TADA2A: variants seen among roughly 807,000 people sequenced by gnomAD.
TADA2A encodes transcriptional adaptor 2A, also known as transcriptional adapter 2-alpha.
A neutral mutation model predicts 67.4 loss-of-function variants in TADA2A; 38 were observed. The ratio of observed to expected loss-of-function variants is 0.56; its 90% CI spans 0.44 to 0.74. The LOEUF (loss-of-function observed/expected upper bound fraction) is 0.74. Ranked by LOEUF, TADA2A falls within the 30% of genes least tolerant of loss-of-function variation. The pLI is 0.00. For missense variants in TADA2A, 454 were observed against 547.0 expected (o/e 0.83, Z 1.70); for synonymous variants, 192 against 181.6 (o/e 1.06, Z -0.46).
At chr17:37,469,010 C>T (rs1287149025) in intron 12 of TADA2A, among the ~76,000 whole-genome samples, 1 of 151,988 alleles carries the variant, frequency 6.6e-6, no homozygotes, top group Non-Finnish European at 1.5e-5. Flanking sequence ...AAGCGAGTCT[C>T]CTGCCTCAGC....
At chr17:37,474,890 A>G (rs1418481035) in intron 15 of TADA2A, among the ~76,000 whole-genome samples, 2 of 152,188 alleles carry the variant, frequency 1.3e-5, no homozygotes, top group Admixed American at 6.5e-5. Flanking sequence ...AATAGCAACT[A>G]TCATCTATTG....
At chr17:37,432,996 C>T (rs556440657) in intron 4 of TADA2A, among the ~76,000 whole-genome samples, 2 of 132,768 alleles carry the variant, frequency 1.5e-5, no homozygotes, top group African/African-American at 5.5e-5. Context: ...AAGATTCACA[C>T]ATTTCAATTT....
intron 2 of TADA2A, among the ~76,000 whole-genome samples, chr17:37,422,483 T>TGA (rs2052270708): frequency 0.095 from 8,257 of 86,694 alleles, 273 homozygotes; most frequent in Middle Eastern, 0.13. Context: ...GCCCAGCTGA[T>TGA]TATTATTATT....
At chr17:37,423,424 TG>T in intron 2 of TADA2A, 84 bp from the exon 3 acceptor site, 3 of 1,018,332 alleles carry the variant, frequency 2.9e-6, no homozygotes, top group Non-Finnish European at 4.4e-6. Context: ...ACTACTTGTG[TG>T]GTCATTTGGG....
Position 37,462,104 on chromosome 17 carries a change from A to G in TADA2A, c.695A>G (p.Asn232Ser). ...ATTATAAGAGACCATGGATTAATCAACCTTAGAAAGTTTCAATGTAAGTAT... is the reference window on the plus strand; with the variant it reads ...ATTATAAGAGACCATGGATTAATCAGCCTTAGAAAGTTTCAATGTAAGTAT... The part of the protein sequence containing the change: ...KKIIRDHGLI[N>S]LRKFQLMERR... The change falls in exon 10 of 16, where the codon AAC (asparagine) becomes AGC (serine). Residue 232 changes from asparagine (N) to serine (S), a missense_variant. Physicochemically the swap from Asn to Ser is conservative, Grantham distance 46 (BLOSUM62 1). Around this residue, in one of 2 missense-constraint regions of TADA2A, gnomAD observed 403 missense variants for 455.5 expected, o/e 0.88. Coordinates refer to ENST00000615182, the MANE Select transcript of TADA2A (RefSeq NM_001166105.3). 2 of 1,571,926 alleles carry G rather than the reference A, an allele frequency of 1.3e-6. No individual in the cohort carries two copies. The highest frequency in any genetic ancestry group is 1.7e-6 in the Non-Finnish European group (2 of 1,151,066).
intron 4 of TADA2A, among the ~76,000 whole-genome samples, chr17:37,429,578 A>T (rs959389418): frequency 9.9e-5 from 15 of 152,152 alleles, no homozygotes; most frequent in Admixed American, 2.0e-4. Context: ...CACCATGCCC[A>T]GCCAGAGAAC....
intron 4 of TADA2A, among the ~76,000 whole-genome samples, 176 bp downstream of exon 4, chr17:37,427,185 A>C (rs1165463945): frequency 6.6e-6 from 1 of 152,196 alleles, no homozygotes; most frequent in Non-Finnish European, 1.5e-5. Flanking sequence ...TTATCCAATA[A>C]GTTTTTTAGG....
In TADA2A at chr17:37,426,952, T is replaced by C; in HGVS notation, c.135T>C (p.Cys45=). The C allele has an allele frequency of 6.3e-7, 1 of 1,597,380 alleles. No individual in the cohort carries two copies. The highest frequency in any genetic ancestry group is 1.2e-5 in the South Asian group (1 of 85,042). The change falls in exon 4 of 16, where the codon TGT becomes TGC. Residue 45 remains cysteine, a splice_region_variant and synonymous_variant. Transcript: ENST00000615182. ...ATTTAATTTTTCTTTCTTTGCAGTGTTTCACTCGAGGCTTTGAGTACAAGA... is the reference window on the plus strand; with the variant it reads ...ATTTAATTTTTCTTTCTTTGCAGTGCTTCACTCGAGGCTTTGAGTACAAGA... ...GPPPFFLCLQ[C]FTRGFEYKKH... is the part of the protein sequence containing the mutation.
chr17:37,457,176 C>CTTTTTT (rs34125875), intron 8 of TADA2A, among the ~76,000 whole-genome samples: 33 of 105,958 alleles, frequency 3.1e-4, no homozygotes, highest in East Asian at 5.2e-4. Flanking sequence ...AATCATTATT[C>CTTTTTT]TTTTTTTTTT....
intron 4 of TADA2A, among the ~76,000 whole-genome samples, 157 bp downstream of exon 4, chr17:37,427,166 A>G (rs924840494): frequency 1.3e-5 from 2 of 152,206 alleles, no homozygotes; most frequent in African/African-American, 4.8e-5. Flanking sequence ...CTTCGGAAAT[A>G]GGTAATTGTT....
chr17:37,422,025 C>T (rs2052249421), intron 2 of TADA2A, among the ~76,000 whole-genome samples: 1 of 143,094 alleles, frequency 7.0e-6, no homozygotes, highest in African/African-American at 2.5e-5. Flanking sequence ...ACTACAGATG[C>T]ATACCGCCAT....
intron 8 of TADA2A, chr17:37,454,642 A>G (rs548032940): frequency 4.1e-6 from 1 of 245,074 alleles, no homozygotes; most frequent in Non-Finnish European, 8.4e-6. Context: ...GGTCCTCTAC[A>G]GAAGAAAGCA....
intron 8 of TADA2A, among the ~76,000 whole-genome samples, chr17:37,458,153 C>T (rs552385388): frequency 8.5e-4 from 130 of 152,240 alleles, no homozygotes; most frequent in African/African-American, 2.9e-3. Context: ...ATTTAGCTCC[C>T]GCTTATAAGT....
At chr17:37,416,052 C>CT (rs571954877) in intron 2 of TADA2A, among the ~76,000 whole-genome samples, 14 of 151,106 alleles carry the variant, frequency 9.3e-5, no homozygotes, top group Admixed American at 5.3e-4. Context: ...TTTTATGTCT[C>CT]TTTTTTTTCC....
intron 1 of TADA2A, among the ~76,000 whole-genome samples, 186 bp from the exon 2 acceptor site, chr17:37,411,083 T>C (rs151237838): frequency 3.4e-4 from 52 of 152,332 alleles, no homozygotes; most frequent in African/African-American, 1.2e-3. Context: ...CATTTAATTC[T>C]CACAACTTTG....
intron 3 of TADA2A, among the ~76,000 whole-genome samples, chr17:37,425,181 T>G (rs2147930516): frequency 6.6e-6 from 1 of 152,308 alleles, no homozygotes; most frequent in East Asian, 1.9e-4. Context: ...CGCCCGGCCA[T>G]AACACTGTTT....
chr17:37,451,693 G>A (rs140141016), intron 8 of TADA2A, among the ~76,000 whole-genome samples: 1,800 of 152,086 alleles, frequency 0.012, 19 homozygotes, highest in Non-Finnish European at 0.018. Flanking sequence ...TACAAAAATC[G>A]CAGAAATGGG....
chr17:37,445,913 T>C (rs1362679291), intron 8 of TADA2A, among the ~76,000 whole-genome samples: 1 of 152,106 alleles, frequency 6.6e-6, no homozygotes, highest in African/African-American at 2.4e-5. Context: ...AAATTATAAA[T>C]CAAGTTTTCA....
chr17:37,429,211 A>AT (rs1028975035), intron 4 of TADA2A, among the ~76,000 whole-genome samples: 88 of 152,086 alleles, frequency 5.8e-4, no homozygotes, highest in African/African-American at 2.1e-3. Context: ...AAGTGCTGGG[A>AT]TTACAGGTGT....
Sources: allele counts gnomAD v4.1 joint callset (sites outside exome capture counted in the v4.1 genomes callset), GRCh38; gene constraint gnomAD v4.1.1; regional missense constraint gnomAD v4.1.1; transcripts MANE v1.5; gene names NCBI Gene and HGNC (gene_info 2026-07-23, HGNC 2026-07-21).